CDH13: variants seen among roughly 807,000 people sequenced by gnomAD.
CDH13 encodes the protein cadherin-13.
In CDH13, 24 loss-of-function variants were observed where a neutral mutation model predicts 63.8. That is an observed-to-expected ratio of 0.38 (90% CI 0.27 to 0.53). The LOEUF is 0.53. Among genes scored for constraint, CDH13 ranks in the 20% least tolerant of loss-of-function variants. The probability of loss-of-function intolerance (pLI) is 0.85; values close to 1 mark genes in which losing one functional copy is unlikely to be tolerated. For missense variants in CDH13, 1,049 were observed against 903.1 expected, an observed-to-expected ratio of 1.16 and a Z score of -2.07; for synonymous variants, 503 against 355.3, an observed-to-expected ratio of 1.42 and a Z score of -4.67.
At chr16:82,654,799 T>C (rs12232445) in intron 1 of CDH13, among the ~76,000 whole-genome samples, 4 of 152,132 alleles carry the variant, frequency 2.6e-5, no homozygotes, top group East Asian at 3.9e-4. Flanking sequence ...TCTCAGGTTA[T>C]AGTATTAACC....
intron 1 of CDH13, among the ~76,000 whole-genome samples, chr16:82,683,942 C>G (rs1396564649): frequency 6.6e-6 from 1 of 152,224 alleles, no homozygotes; most frequent in Non-Finnish European, 1.5e-5. Flanking sequence ...AAACATGACA[C>G]ATTAACCTTT....
chr16:83,072,503 C>G (rs904938831), intron 3 of CDH13, among the ~76,000 whole-genome samples: 2 of 152,126 alleles, frequency 1.3e-5, no homozygotes, highest in Non-Finnish European at 2.9e-5. Flanking sequence ...CTCTCTGCAA[C>G]CAGCTGGGAA....
chr16:83,597,499 G>A (rs907257198), intron 7 of CDH13, among the ~76,000 whole-genome samples: 2 of 152,252 alleles, frequency 1.3e-5, no homozygotes, highest in Admixed American at 1.3e-4. Flanking sequence ...ACTTGTATAG[G>A]AAAAAGGAGA....
intron 7 of CDH13, among the ~76,000 whole-genome samples, chr16:83,579,165 C>G (rs893889271): frequency 6.6e-6 from 1 of 152,160 alleles, no homozygotes; most frequent in African/African-American, 2.4e-5. Flanking sequence ...GCCTGAGGAC[C>G]ACTCCATGCC....
At chr16:82,632,099 A>T (rs1412258015) in intron 1 of CDH13, among the ~76,000 whole-genome samples, 2 of 152,156 alleles carry the variant, frequency 1.3e-5, no homozygotes, top group African/African-American at 4.8e-5. Context: ...CCACACTTCA[A>T]CATGGCCGTA....
intron 3 of CDH13, among the ~76,000 whole-genome samples, chr16:83,054,229 C>T (rs558721415): frequency 1.1e-4 from 16 of 152,280 alleles, no homozygotes; most frequent in South Asian, 8.3e-4. Flanking sequence ...TGTTAAGTAA[C>T]GCATGACTAT....
intron 7 of CDH13, among the ~76,000 whole-genome samples, chr16:83,520,244 G>A (rs2074798361): frequency 6.6e-6 from 1 of 152,158 alleles, no homozygotes; most frequent in Non-Finnish European, 1.5e-5. Flanking sequence ...GGCTCTAAGT[G>A]GAGCAAAAGA....
chr16:82,940,285 T>C (rs958064709), intron 2 of CDH13, among the ~76,000 whole-genome samples: 1 of 152,162 alleles, frequency 6.6e-6, no homozygotes, highest in Non-Finnish European at 1.5e-5. Flanking sequence ...GAGCAAATTA[T>C]TCCCTTGCAG....
intron 2 of CDH13, among the ~76,000 whole-genome samples, chr16:82,917,199 TC>T (rs2042016103): frequency 6.6e-6 from 1 of 152,090 alleles, no homozygotes; most frequent in Admixed American, 6.5e-5. Context: ...CCGCATTAAC[TC>T]TAAAGAAGGG....
chr16:83,566,077 T>C (rs984425229), intron 7 of CDH13, among the ~76,000 whole-genome samples: 1 of 152,212 alleles, frequency 6.6e-6, no homozygotes, highest in Non-Finnish European at 1.5e-5. Flanking sequence ...TCTCTTGACT[T>C]GGACTATGGA....
At chr16:82,852,960 C>G (rs1212177751) in intron 1 of CDH13, among the ~76,000 whole-genome samples, 2 of 151,940 alleles carry the variant, frequency 1.3e-5, no homozygotes, top group East Asian at 1.9e-4. Context: ...GAATCAGTAC[C>G]TGTCAGGATA....
rs183622597 is a variant in CDH13 at position 82,682,821 on chromosome 16, G to A, written c.45+55684G>A. Among the ~76,000 whole-genome samples, 9 of 152,262 alleles carry A rather than the reference G, an allele frequency of 5.9e-5. No homozygotes were observed. The East Asian group carries it at 9.6e-4, about 16-fold the overall frequency. ...TAGCCCTCTGCTCTTGTAATTTTCC[G>A]AAGTCTGTGCCACCCTGAGGACTGG... is the stretch of plus-strand genomic sequence containing the variant. On this transcript the variant is annotated intron_variant, in intron 1 of 13. Coordinates refer to ENST00000567109, the MANE Select transcript of CDH13 (RefSeq NM_001257.5).
intron 6 of CDH13, among the ~76,000 whole-genome samples, chr16:83,441,291 A>G (rs2151495435): frequency 6.6e-6 from 1 of 152,302 alleles, no homozygotes; most frequent in Middle Eastern, 3.4e-3. Context: ...GTGATGGAAT[A>G]CTGTATATCC....
At chr16:83,055,087 C>G (rs914934679) in intron 3 of CDH13, among the ~76,000 whole-genome samples, 1 of 151,744 alleles carries the variant, frequency 6.6e-6, no homozygotes, top group African/African-American at 2.4e-5. Flanking sequence ...TTGAAATATT[C>G]CATGGGTAAA....
intron 2 of CDH13, among the ~76,000 whole-genome samples, chr16:82,978,435 C>T (rs1909817135): frequency 6.6e-6 from 1 of 152,226 alleles, no homozygotes; most frequent in African/African-American, 2.4e-5. Flanking sequence ...CATTGCAGGC[C>T]TGGAGGCCTT....
At chr16:83,272,030 C>T (rs527284401) in intron 5 of CDH13, among the ~76,000 whole-genome samples, 1 of 152,310 alleles carries the variant, frequency 6.6e-6, no homozygotes, top group East Asian at 1.9e-4. Context: ...CATCCATTAT[C>T]TCTCTTAATT....
At chr16:83,662,637 T>G (rs1913545139) in intron 8 of CDH13, among the ~76,000 whole-genome samples, 1 of 152,164 alleles carries the variant, frequency 6.6e-6, no homozygotes, top group Non-Finnish European at 1.5e-5. Flanking sequence ...TTGTACATGC[T>G]TTTATACATG....
At chr16:82,936,641 TC>T (rs1000137794) in intron 2 of CDH13, among the ~76,000 whole-genome samples, 1 of 152,126 alleles carries the variant, frequency 6.6e-6, no homozygotes, top group Non-Finnish European at 1.5e-5. Context: ...TTCTAACTAG[TC>T]CCCCGAGTGG....
At chr16:83,706,105 C>T (rs1907002973) in intron 10 of CDH13, among the ~76,000 whole-genome samples, 1 of 152,192 alleles carries the variant, frequency 6.6e-6, no homozygotes, top group African/African-American at 2.4e-5. Context: ...CTGGAATCCC[C>T]AAGGCCTGGG....
Sources: allele counts gnomAD v4.1 joint callset (sites outside exome capture counted in the v4.1 genomes callset), GRCh38; gene constraint gnomAD v4.1.1; transcripts MANE v1.5; gene names NCBI Gene and HGNC (gene_info 2026-07-23, HGNC 2026-07-21).